FHIT: variants seen among roughly 807,000 people sequenced by gnomAD.
FHIT encodes the protein bis(5'-adenosyl)-triphosphatase.
In FHIT, 19 loss-of-function variants were observed where a neutral mutation model predicts 17.9. The ratio of observed to expected loss-of-function variants is 1.06; its 90% CI spans 0.74 to 1.56. The LOEUF is 1.56. FHIT is among the 40% of genes most tolerant of loss of function. The pLI, the probability that FHIT is intolerant of heterozygous loss-of-function variation, is 0.00. For synonymous variants in FHIT, 81 were observed against 69.7 expected (o/e 1.16, Z -0.81); for missense variants, 248 against 189.2 (o/e 1.31, Z -1.82).
chr3:60,542,178 T>G (rs1277782175), intron 4 of FHIT, among the ~76,000 whole-genome samples: 1 of 152,240 alleles, frequency 6.6e-6, no homozygotes, highest in Non-Finnish European at 1.5e-5. Flanking sequence ...TAGAAATTTA[T>G]CCATGTTGCC....
chr3:59,994,531 C>T (rs1699424647), intron 7 of FHIT, among the ~76,000 whole-genome samples: 1 of 152,120 alleles, frequency 6.6e-6, no homozygotes, highest in Non-Finnish European at 1.5e-5. Context: ...TCTGGTAATG[C>T]AACACTTCTG....
At chr3:60,557,414 A>T (rs1339272905) in intron 4 of FHIT, among the ~76,000 whole-genome samples, 1 of 152,088 alleles carries the variant, frequency 6.6e-6, no homozygotes, top group Admixed American at 6.5e-5. Context: ...AAAAAAAAAA[A>T]TAGACATGAT....
chr3:60,109,037 G>A (rs982475177), intron 5 of FHIT, among the ~76,000 whole-genome samples: 7 of 152,090 alleles, frequency 4.6e-5, no homozygotes, highest in Non-Finnish European at 8.8e-5. Context: ...GATAAGCAGA[G>A]CTGGTTTCTG....
intron 4 of FHIT, among the ~76,000 whole-genome samples, chr3:60,706,562 C>T (rs782190956): frequency 1.3e-5 from 2 of 152,192 alleles, no homozygotes; most frequent in East Asian, 1.9e-4. Context: ...ATAATTACCT[C>T]GACATTTTAA....
intron 3 of FHIT, among the ~76,000 whole-genome samples, chr3:61,015,955 T>A (rs1392000756): frequency 6.6e-6 from 1 of 152,208 alleles, no homozygotes; most frequent in Non-Finnish European, 1.5e-5. Flanking sequence ...GTCAGTGTAG[T>A]AAGTGGTGAA....
intron 3 of FHIT, among the ~76,000 whole-genome samples, chr3:60,916,218 T>C (rs1352850065): frequency 1.3e-5 from 2 of 152,226 alleles, no homozygotes; most frequent in Admixed American, 1.3e-4. Context: ...CCATGGCGAA[T>C]ATTTTTGTAC....
intron 4 of FHIT, among the ~76,000 whole-genome samples, chr3:60,691,081 A>C (rs935694848): frequency 3.3e-5 from 5 of 152,148 alleles, no homozygotes; most frequent in Admixed American, 6.5e-5. Flanking sequence ...CTTTTCATTA[A>C]TGTTGCCTGG....
chr3:61,021,325 C>A (rs534193472), intron 3 of FHIT, among the ~76,000 whole-genome samples: 3 of 152,034 alleles, frequency 2.0e-5, no homozygotes, highest in African/African-American at 4.8e-5. Context: ...TCAGGCCGGG[C>A]GCGGTGGCTC....
chr3:60,848,219 T>C (rs1387872664), intron 3 of FHIT, among the ~76,000 whole-genome samples: 1 of 152,214 alleles, frequency 6.6e-6, no homozygotes, highest in East Asian at 1.9e-4. Flanking sequence ...AAGTTGAAAC[T>C]CTTTTATTTC....
At chr3:60,396,843 A>T (rs1389818281) in intron 5 of FHIT, among the ~76,000 whole-genome samples, 1 of 152,210 alleles carries the variant, frequency 6.6e-6, no homozygotes, top group African/African-American at 2.4e-5. Flanking sequence ...GAAAGTTTAA[A>T]TTCAAGGATA....
chr3:60,596,554 G>A (rs982285061), intron 4 of FHIT, among the ~76,000 whole-genome samples: 10 of 152,002 alleles, frequency 6.6e-5, no homozygotes, highest in East Asian at 1.9e-4. Flanking sequence ...TGAGGCTCCC[G>A]TTTGCTGTTC....
rs573169793 is a variant in FHIT, at chr3:60,752,077, C to T, written c.-18+69842G>A. On this transcript the variant is annotated intron_variant, in intron 4 of 9. Coordinates refer to ENST00000492590, the MANE Select transcript of FHIT (RefSeq NM_002012.4). The stretch of plus-strand genomic sequence containing the variant: ...AAAATTTTGTGTTTTTCTACGTACA[C>T]GCATAATGAGACATTTGTTGGGAAA... Among the ~76,000 whole-genome samples, 7 of 152,258 alleles carry T rather than the reference C, an allele frequency of 4.6e-5. No homozygotes were observed. In the South Asian group the frequency reaches 6.2e-4, roughly 14 times the overall value.
intron 5 of FHIT, among the ~76,000 whole-genome samples, chr3:60,391,301 T>C (rs1347330867): frequency 6.6e-6 from 1 of 152,206 alleles, no homozygotes; most frequent in Non-Finnish European, 1.5e-5. Flanking sequence ...TTTGTTTATT[T>C]ATTTTCTTTT....
At chr3:59,964,389 AG>A (rs2107357140) in intron 7 of FHIT, among the ~76,000 whole-genome samples, 1 of 152,282 alleles carries the variant, frequency 6.6e-6, no homozygotes, top group South Asian at 2.1e-4. Context: ...CTATTAATCC[AG>A]AACTTTCCAT....
intron 3 of FHIT, among the ~76,000 whole-genome samples, chr3:60,895,217 G>A (rs1326856128): frequency 6.6e-6 from 1 of 152,086 alleles, no homozygotes; most frequent in African/African-American, 2.4e-5. Flanking sequence ...TGTTATATGA[G>A]GATTAGATTC....
chr3:61,021,592 C>A (rs1227378422), intron 3 of FHIT, among the ~76,000 whole-genome samples: 1 of 101,726 alleles, frequency 9.8e-6, no homozygotes, highest in African/African-American at 3.6e-5. Flanking sequence ...GAGCGAGACT[C>A]CGTCTCAAAA....
intron 7 of FHIT, among the ~76,000 whole-genome samples, chr3:59,963,159 T>C (rs1055438857): frequency 1.4e-4 from 22 of 151,908 alleles, no homozygotes; most frequent in African/African-American, 4.8e-4. Flanking sequence ...CCCAGCTACT[T>C]GGGAGGCTGA....
At chr3:60,595,781 C>G (rs1553666195) in intron 4 of FHIT, among the ~76,000 whole-genome samples, 1 of 151,860 alleles carries the variant, frequency 6.6e-6, no homozygotes, top group African/African-American at 2.4e-5. Context: ...GTAGCTGTAA[C>G]TACAGGCATG....
intron 2 of FHIT, among the ~76,000 whole-genome samples, chr3:61,142,938 C>T (rs1035337721): frequency 1.3e-5 from 2 of 151,970 alleles, no homozygotes; most frequent in Non-Finnish European, 2.9e-5. Context: ...TAGTGAAGAT[C>T]GTTAATATGT....
Sources: gnomAD v4.1 joint callset for allele counts (sites outside exome capture counted in the v4.1 genomes callset) on GRCh38, gnomAD v4.1.1 for gene constraint, MANE v1.5 for transcripts, NCBI Gene and HGNC (gene_info 2026-07-23, HGNC 2026-07-21) for gene names.